The following ANOS1 variants were observed in gnomAD, a reference collection of about 807,000 sequenced individuals.
ANOS1 encodes anosmin 1, also known as anosmin-1.
In ANOS1, 6 loss-of-function variants were observed where a neutral mutation model predicts 59.0. The observed-to-expected ratio is 0.10, with a 90% CI of 0.06 to 0.20. The LOEUF (loss-of-function observed/expected upper bound fraction) is 0.20, where lower values mean the gene tolerates loss of function less well. Ranked by LOEUF, ANOS1 falls within the 10% of genes least tolerant of loss-of-function variation. The pLI, the probability that ANOS1 is intolerant of heterozygous loss-of-function variation, is 1.00. For synonymous variants in ANOS1, 217 were observed against 223.4 expected (o/e 0.97, Z 0.25); for missense variants, 433 against 542.3 (o/e 0.80, Z 2.00).
chrX:8,719,888 C>G (rs1043401925), intron 1 of ANOS1, among the ~76,000 whole-genome samples: 2 of 110,516 alleles, frequency 1.8e-5, no homozygotes, highest in Admixed American at 9.7e-5. Flanking sequence ...GAATTAAGAG[C>G]CTTGATTAGT....
chrX:8,553,853 G>A, intron 9 of ANOS1, 99 bp downstream of exon 9: 1 of 795,212 alleles, frequency 1.3e-6, no homozygotes, highest in Non-Finnish European at 1.9e-6. Flanking sequence ...GTTTGCCTTA[G>A]TATTGATACT....
At chrX:8,684,543 A>G (rs1330775621) in intron 2 of ANOS1, among the ~76,000 whole-genome samples, 1 of 110,843 alleles carries the variant, frequency 9.0e-6, no homozygotes, top group Admixed American at 9.7e-5. Context: ...TTGTGGAAGG[A>G]TTTAGGAGGA....
chrX:8,667,013 G>C (rs1419783862), intron 2 of ANOS1, among the ~76,000 whole-genome samples: 1 of 111,544 alleles, frequency 9.0e-6, no homozygotes, highest in Non-Finnish European at 1.9e-5. Context: ...CTATGAAAAA[G>C]TTTCATTTTT....
chrX:8,596,677 C>G (rs3764841), intron 4 of ANOS1, among the ~76,000 whole-genome samples: 41,418 of 110,533 alleles, frequency 0.37, 5,571 homozygotes, highest in South Asian at 0.43. Flanking sequence ...TGCTTCATCT[C>G]CCAGCCTATT....
rs189426057 is a variant in ANOS1 at position 8,713,746 on chromosome X, G to A, written c.208-14001C>T. Among the ~76,000 whole-genome samples the A allele has an allele frequency of 1.0e-2, 1,095 of 109,873 alleles. 12 individuals carry two copies. The highest frequency in any genetic ancestry group is 0.035 in the African/African-American group (1,055 of 30,104). On this transcript the variant is annotated intron_variant, in intron 1 of 13. Coordinates refer to ENST00000262648, the MANE Select transcript of ANOS1 (RefSeq NM_000216.4). Reference sequence around the variant, plus strand: ...TCCTGCCTCAGCCTCCCAAGGAGCTGGGATTACAGGCGCCCACCACCACGC... The same window carrying A: ...TCCTGCCTCAGCCTCCCAAGGAGCTAGGATTACAGGCGCCCACCACCACGC...
intron 3 of ANOS1, among the ~76,000 whole-genome samples, chrX:8,613,234 G>T (rs1340134628): frequency 1.8e-5 from 2 of 108,754 alleles, no homozygotes; most frequent in East Asian, 5.7e-4. Context: ...TTGAAACAGG[G>T]TCTCATTCTG....
intron 2 of ANOS1, among the ~76,000 whole-genome samples, chrX:8,641,750 G>T (rs777996710): frequency 9.8e-4 from 110 of 112,224 alleles, no homozygotes; most frequent in Admixed American, 2.5e-3. Flanking sequence ...ATTGTGTGGT[G>T]TTTAGGTAGT....
chrX:8,578,830 C>G (rs1980473257), intron 6 of ANOS1, among the ~76,000 whole-genome samples: 1 of 112,037 alleles, frequency 8.9e-6, no homozygotes, highest in South Asian at 3.7e-4. Context: ...AACATGCTTG[C>G]CCGCTTTTGG....
At chrX:8,538,693 A>G (rs1929636371) in intron 10 of ANOS1, among the ~76,000 whole-genome samples, 1 of 112,230 alleles carries the variant, frequency 8.9e-6, no homozygotes, top group South Asian at 3.7e-4. Context: ...CTGTTTAATT[A>G]TTTTACTGAA....
intron 1 of ANOS1, among the ~76,000 whole-genome samples, chrX:8,722,762 T>C (rs1932884464): frequency 8.9e-6 from 1 of 112,487 alleles, no homozygotes; most frequent in Non-Finnish European, 1.9e-5. Flanking sequence ...AAATGGTAGT[T>C]CTACTTTTAG....
chrX:8,708,260 C>G (rs1219212505), intron 1 of ANOS1, among the ~76,000 whole-genome samples: 7 of 111,142 alleles, frequency 6.3e-5, no homozygotes, highest in African/African-American at 2.3e-4. Flanking sequence ...TAGGGGGAAG[C>G]TGAGTGCCAG....
intron 1 of ANOS1, among the ~76,000 whole-genome samples, chrX:8,709,546 C>G (rs1407843741): frequency 8.9e-6 from 1 of 111,751 alleles, no homozygotes; most frequent in Non-Finnish European, 1.9e-5. Flanking sequence ...GGTGAGATCA[C>G]AGCTCACTGC....
chrX:8,668,438 CAT>C (rs1932197683), intron 2 of ANOS1, among the ~76,000 whole-genome samples: 6 of 81,256 alleles, frequency 7.4e-5, no homozygotes, highest in Non-Finnish European at 1.2e-4. Flanking sequence ...TATACACACA[CAT>C]ACATATATAT....
intron 2 of ANOS1, among the ~76,000 whole-genome samples, chrX:8,669,145 T>C (rs1044405690): frequency 4.5e-5 from 5 of 111,698 alleles, no homozygotes; most frequent in African/African-American, 6.5e-5. Flanking sequence ...AGTCCTTTCA[T>C]TGTGGCTAAG....
At chrX:8,537,825 A>G (rs1396218205) in intron 10 of ANOS1, among the ~76,000 whole-genome samples, 2 of 110,150 alleles carry the variant, frequency 1.8e-5, no homozygotes. Context: ...TACAGATGGA[A>G]TATCTCTGGC....
chrX:8,631,168 T>C (rs1939197405), intron 2 of ANOS1, among the ~76,000 whole-genome samples: 1 of 112,323 alleles, frequency 8.9e-6, no homozygotes. Context: ...CAAGGAGTGT[T>C]GTCCAACAAG....
chrX:8,657,467 CTTT>C (rs1324799667), intron 2 of ANOS1, among the ~76,000 whole-genome samples: 2 of 83,955 alleles, frequency 2.4e-5, no homozygotes, highest in Admixed American at 1.3e-4. Context: ...ACTGTGCTTG[CTTT>C]TTTTTTTTTT....
At chrX:8,567,216 G>A (rs774074679) in intron 8 of ANOS1, among the ~76,000 whole-genome samples, 6 of 111,738 alleles carry the variant, frequency 5.4e-5, no homozygotes, top group Non-Finnish European at 7.5e-5. Flanking sequence ...TCAGTTCCCA[G>A]CAAACATACT....
intron 1 of ANOS1, among the ~76,000 whole-genome samples, chrX:8,721,975 T>A (rs1932877953): frequency 8.9e-6 from 1 of 111,860 alleles, no homozygotes; most frequent in Admixed American, 9.5e-5. Flanking sequence ...CTGGAATAAC[T>A]CAGCTAGCAG....
Sources: gnomAD v4.1 joint callset for allele counts (sites outside exome capture counted in the v4.1 genomes callset) on GRCh38, gnomAD v4.1.1 for gene constraint, MANE v1.5 for transcripts, NCBI Gene and HGNC (gene_info 2026-07-23, HGNC 2026-07-21) for gene names.